The following ASNS variants were observed in gnomAD, a reference collection of about 807,000 sequenced individuals.
ASNS encodes the protein asparagine synthetase [glutamine-hydrolyzing].
In ASNS, 37 loss-of-function variants were observed where a neutral mutation model predicts 62.6. That is an observed-to-expected ratio of 0.59 (90% CI 0.45 to 0.78). The LOEUF (loss-of-function observed/expected upper bound fraction) is 0.78. Among genes scored for constraint, ASNS ranks in the 30% least tolerant of loss-of-function variants. The pLI is 0.00. For missense variants in ASNS, 520 were observed against 682.4 expected (o/e 0.76, Z 2.65); for synonymous variants, 207 against 237.9 (o/e 0.87, Z 1.19).
At chr7:97,882,415 G>T in the ASNS span, among the ~76,000 whole-genome samples, 29 of 152,028 alleles carry the variant, frequency 1.9e-4, no homozygotes, top group Admixed American at 1.4e-3. Context: ...GGGCATGGTG[G>T]CACATGCCTG....
chr7:97,890,123 T>C, the ASNS span, among the ~76,000 whole-genome samples: 1 of 151,932 alleles, frequency 6.6e-6, no homozygotes, highest in Non-Finnish European at 1.5e-5. Context: ...TTTCTGAACC[T>C]GAAGACTAGT....
chr7:97,852,415 A>G lies in ASNS; in HGVS notation c.1530T>C (p.Pro510=), dbSNP rs773279607. The G allele has an allele frequency of 4.3e-6, 7 of 1,614,054 alleles. No homozygotes were observed. The highest frequency in any genetic ancestry group is 1.7e-5 in the Admixed American group (1 of 59,996). ...NAAQKFPFNT[P]KTKEGYYYRQ... ...GGTAGTAATATCCTTCTTTGGTTTT[A>G]GGAGTATTGAAGGGAAATTTCTGGG... Residue 510 remains proline (P), a synonymous_variant, in exon 13 of 13, where the codon CCT becomes CCC. Transcript: ENST00000394308.
the ASNS span, among the ~76,000 whole-genome samples, chr7:97,887,988 G>A: frequency 6.8e-6 from 1 of 147,810 alleles, no homozygotes; most frequent in African/African-American, 2.5e-5. Flanking sequence ...TTGTTTGTTT[G>A]TTTGTTTTTG....
intron 10 of ASNS, 151 bp from the exon 11 acceptor site, chr7:97,853,537 A>G (rs2115596492): frequency 1.7e-6 from 1 of 574,394 alleles, no homozygotes; most frequent in Non-Finnish European, 3.0e-6. Flanking sequence ...ACTGCCCTAC[A>G]CTAATGAATA....
the ASNS span, among the ~76,000 whole-genome samples, chr7:97,905,490 T>C: frequency 6.6e-6 from 1 of 152,104 alleles, no homozygotes; most frequent in Non-Finnish European, 1.5e-5. Context: ...TATTTTTAAG[T>C]ATCACAAATA....
the ASNS span, among the ~76,000 whole-genome samples, chr7:97,904,317 CAGAG>C: frequency 1.5e-3 from 213 of 146,434 alleles, no homozygotes; most frequent in South Asian, 5.3e-3. Context: ...CACACACACA[CAGAG>C]AGAGAGAAAT....
upstream of ASNS, among the ~76,000 whole-genome samples, chr7:97,876,153 G>A (rs932237502): frequency 3.9e-5 from 6 of 152,040 alleles, no homozygotes; most frequent in Non-Finnish European, 5.9e-5. Flanking sequence ...CGCCGCACCC[G>A]GCCTTGAGTA....
At chr7:97,855,028 AGTGCAGTG>A (rs1791367597) in intron 9 of ASNS, 1 of 357,850 alleles carries the variant, frequency 2.8e-6, no homozygotes, top group Non-Finnish European at 5.0e-6. Context: ...ACCAGGCAGG[AGTGCAGTG>A]GTGCAATCAC....
the ASNS span, among the ~76,000 whole-genome samples, chr7:97,896,199 T>C: frequency 6.6e-6 from 1 of 151,938 alleles, no homozygotes; most frequent in Admixed American, 6.6e-5. Flanking sequence ...AAAAATACCC[T>C]GAAATTCATA....
chr7:97,855,491 T>C (rs1427269670), intron 8 of ASNS, 32 bp from the exon 9 acceptor site: 2 of 1,525,896 alleles, frequency 1.3e-6, no homozygotes, highest in Non-Finnish European at 9.0e-7. Flanking sequence ...AACTTTAATG[T>C]CAACATAACC....
chr7:97,856,995 C>T (rs997493698), intron 7 of ASNS, among the ~76,000 whole-genome samples, 179 bp from the exon 8 acceptor site: 14 of 152,172 alleles, frequency 9.2e-5, no homozygotes, highest in Admixed American at 7.2e-4. Context: ...ACTGTTCCCT[C>T]GCCTGCTTCA....
chr7:97,875,025 G>A (rs1483816664), upstream of ASNS, among the ~76,000 whole-genome samples: 3 of 152,110 alleles, frequency 2.0e-5, no homozygotes, highest in Non-Finnish European at 4.4e-5. Flanking sequence ...TAAATGTCAC[G>A]AACTTTAAAA....
At chr7:97,865,104 T>C (rs1584472129) in intron 3 of ASNS, among the ~76,000 whole-genome samples, 1 of 152,194 alleles carries the variant, frequency 6.6e-6, no homozygotes, top group Non-Finnish European at 1.5e-5. Flanking sequence ...CTGTGGCTGT[T>C]TGACATCATT....
At chr7:97,909,068 T>C in the ASNS span, 5 of 152,110 alleles carry the variant, frequency 3.3e-5, no homozygotes, top group African/African-American at 1.2e-4. Flanking sequence ...AGCACCTGAT[T>C]ATATGTGTAT....
the ASNS span, chr7:97,908,529 T>G: frequency 6.6e-6 from 1 of 151,814 alleles, no homozygotes; most frequent in Non-Finnish European, 1.5e-5. Flanking sequence ...GTCTCCCCCG[T>G]AGCTGGGATT....
At chr7:97,874,152 C>T (rs922920247), upstream of ASNS, among the ~76,000 whole-genome samples, 15 of 152,250 alleles carry the variant, frequency 9.9e-5, no homozygotes, top group African/African-American at 3.1e-4. Context: ...AGACCTACCC[C>T]TAGGTGCGCA....
chr7:97,859,130 A>G lies in ASNS; in HGVS notation c.673+83T>C. 13 of 1,514,868 alleles carry G rather than the reference A, an allele frequency of 8.6e-6. No homozygotes were observed. The South Asian group carries it at 1.7e-4, about 20-fold the overall frequency. The allele number at this position is 1,514,868 out of a possible 1,614,324, so 93.8% of individuals were successfully genotyped here. A position where few individuals can be genotyped will look rare whatever the true frequency, so the allele number is the denominator to read the frequency against. On this transcript the variant is annotated intron_variant, in intron 5 of 12. Transcript: ENST00000394308. ...ATAGGAAGTAGGTCTTGAAACTAAAATCATTCAAATGATGGGAGAATACAA... is the reference window on the plus strand; with the variant it reads ...ATAGGAAGTAGGTCTTGAAACTAAAGTCATTCAAATGATGGGAGAATACAA...
the ASNS span, among the ~76,000 whole-genome samples, chr7:97,882,538 TTAAATAAA>T: frequency 1.7e-4 from 22 of 130,764 alleles, no homozygotes; most frequent in Admixed American, 5.5e-4. Context: ...CAGAGAGAGA[TTAAATAAA>T]TAAATAAATA....
chr7:97,854,981 T>G (rs1240273642), intron 9 of ASNS: 2 of 361,972 alleles, frequency 5.5e-6, no homozygotes, highest in African/African-American at 4.3e-5. Context: ...TTAACTTTTT[T>G]TTTTTTTTTT....
Sources: gnomAD v4.1 joint callset for allele counts (sites outside exome capture counted in the v4.1 genomes callset) on GRCh38, gnomAD v4.1.1 for gene constraint, MANE v1.5 for transcripts, NCBI Gene and HGNC (gene_info 2026-07-23, HGNC 2026-07-21) for gene names.